The following NCALD variants were observed in gnomAD, a reference collection of about 807,000 sequenced individuals.
The protein encoded by NCALD is neurocalcin delta, also known as neurocalcin-delta.
A neutral mutation model predicts 18.6 loss-of-function variants in NCALD; 10 were observed. The ratio of observed to expected loss-of-function variants is 0.54; its 90% CI spans 0.33 to 0.91. The LOEUF (loss-of-function observed/expected upper bound fraction) is 0.91. Among genes scored for constraint, NCALD ranks in the 40% least tolerant of loss-of-function variants. NCALD has a pLI of 0.03. For synonymous variants in NCALD, 88 were observed against 87.4 expected (o/e 1.01, Z -0.04); for missense variants, 184 against 247.6 (o/e 0.74, Z 1.72).
chr8:101,882,561 G>T (rs1404205795), intron 4 of NCALD, among the ~76,000 whole-genome samples: 1 of 152,150 alleles, frequency 6.6e-6, no homozygotes, highest in Non-Finnish European at 1.5e-5. Context: ...TTTTGTTATA[G>T]CAGCCGAAGC....
At chr8:102,080,033 A>ACT (rs1824474941) in intron 1 of NCALD, among the ~76,000 whole-genome samples, 1 of 152,224 alleles carries the variant, frequency 6.6e-6, no homozygotes, top group African/African-American at 2.4e-5. Context: ...GATTGCAAAC[A>ACT]CACAGCCATT....
intron 1 of NCALD, among the ~76,000 whole-genome samples, chr8:101,788,049 G>A (rs958467904): frequency 1.3e-5 from 2 of 152,154 alleles, no homozygotes; most frequent in African/African-American, 4.8e-5. Flanking sequence ...GGATCTCAAG[G>A]AGGAAAATAA....
At chr8:101,941,387 G>A (rs531528902) in intron 2 of NCALD, among the ~76,000 whole-genome samples, 4 of 152,228 alleles carry the variant, frequency 2.6e-5, no homozygotes, top group Non-Finnish European at 5.9e-5. Context: ...ACAGGAGGCA[G>A]AGCTCAGGTG....
intron 1 of NCALD, among the ~76,000 whole-genome samples, chr8:102,106,230 T>C (rs114079671): frequency 0.017 from 2,616 of 151,578 alleles, 99 homozygotes; most frequent in African/African-American, 0.06. Context: ...CCAGCATGCC[T>C]GGCTAATTTT....
Position 102,021,743 on chromosome 8 carries a change from A to G in NCALD, c.-209-1454T>C, listed in dbSNP as rs545919054. Among the ~76,000 whole-genome samples, 13 of 152,310 alleles carry G rather than the reference A, an allele frequency of 8.5e-5. No individual in the cohort carries two copies. The East Asian group carries it at 2.1e-3, about 25-fold the overall frequency. On this transcript the variant is annotated intron_variant, in intron 1 of 6. Transcript: ENST00000311028. ...CTAACTACTTTTTTGTCCTATTAAA[A>G]TACCATTTTTAAGGACACAGTTTTT...
In NCALD at chr8:101,781,041, T is replaced by C. The variant is rs903933373; in HGVS notation, c.-20+9821A>G. Among the ~76,000 whole-genome samples, 9 of 152,204 alleles carry C rather than the reference T, an allele frequency of 5.9e-5. No individual in the cohort carries two copies. In the East Asian group the frequency reaches 1.5e-3, roughly 26 times the overall value. The stretch of plus-strand genomic sequence containing the variant: ...ATAGTAACAGATCGACCTTTAAAAA[T>C]TGGAAGTTGATCAACATTTTTCAAG... On this transcript the variant is annotated intron_variant, in intron 1 of 3. Transcript: ENST00000220931.
Position 101,949,947 on chromosome 8 carries a change from C to A in NCALD, c.-156-34089G>T, listed in dbSNP as rs78343626. 3.9e-3 allele frequency among the ~76,000 whole-genome samples: 600 copies of A among 152,316 alleles called. 1 individual carries two copies. Among genetic ancestry groups the A allele is most frequent in the Non-Finnish European group, 6.6e-3 (451 of 68,034 alleles). ...GTGAGTCACCATCCATCAGGCACTT[C>A]ATCAAAGTTCTTCCACTTGGTTGTC... On this transcript the variant is annotated intron_variant, in intron 2 of 6. Coordinates refer to the NCALD transcript ENST00000311028.
intron 2 of NCALD, among the ~76,000 whole-genome samples, chr8:101,925,303 T>G (rs950037554): frequency 1.3e-5 from 2 of 152,020 alleles, no homozygotes; most frequent in African/African-American, 4.8e-5. Context: ...TATTTATCCA[T>G]TCATTGAACA....
chr8:102,085,677 G>C (rs750877854), intron 1 of NCALD, among the ~76,000 whole-genome samples: 17 of 151,698 alleles, frequency 1.1e-4, no homozygotes, highest in Non-Finnish European at 2.4e-4. Context: ...AGAATTGCTT[G>C]AACCCAGGAG....
intron 2 of NCALD, among the ~76,000 whole-genome samples, chr8:101,943,579 G>A (rs781485423): frequency 1.2e-4 from 18 of 152,192 alleles, no homozygotes; most frequent in African/African-American, 4.1e-4. Flanking sequence ...GCAGGGGAGA[G>A]AGCTGAAGAG....
chr8:101,859,615 A>T (rs2131362681), intron 4 of NCALD, among the ~76,000 whole-genome samples: 1 of 152,326 alleles, frequency 6.6e-6, no homozygotes, highest in South Asian at 2.1e-4. Flanking sequence ...GTATGATAGC[A>T]GAGATTTTTT....
chr8:102,116,700 G>A (rs929747549), intron 1 of NCALD, among the ~76,000 whole-genome samples: 1 of 151,912 alleles, frequency 6.6e-6, no homozygotes, highest in Non-Finnish European at 1.5e-5. Flanking sequence ...TAGAGATGGG[G>A]TCTCACCTTG....
intron 3 of NCALD, among the ~76,000 whole-genome samples, chr8:101,911,097 GCTC>G (rs1817778113): frequency 6.6e-6 from 1 of 152,150 alleles, no homozygotes; most frequent in Non-Finnish European, 1.5e-5. Context: ...AAGCAGGTAA[GCTC>G]TGACCTTTAT....
intron 1 of NCALD, among the ~76,000 whole-genome samples, chr8:101,769,046 GA>G (rs1384503443): frequency 6.6e-6 from 1 of 152,182 alleles, no homozygotes; most frequent in East Asian, 1.9e-4. Context: ...AGCAAGGTCT[GA>G]GTGCTGTGGG....
intron 2 of NCALD, among the ~76,000 whole-genome samples, chr8:102,001,131 A>C (rs962264699): frequency 6.6e-6 from 1 of 152,210 alleles, no homozygotes; most frequent in Non-Finnish European, 1.5e-5. Context: ...ACCTTGAAAA[A>C]AGATTAGATG....
chr8:101,757,802 C>T (rs1435037640), intron 1 of NCALD, among the ~76,000 whole-genome samples: 1 of 152,126 alleles, frequency 6.6e-6, no homozygotes, highest in African/African-American at 2.4e-5. Flanking sequence ...AGGCCTTCAA[C>T]AAATATAGTG....
At chr8:101,854,261 C>A (rs1236242664) in intron 4 of NCALD, among the ~76,000 whole-genome samples, 1 of 152,152 alleles carries the variant, frequency 6.6e-6, no homozygotes, top group Non-Finnish European at 1.5e-5. Context: ...CTGCCCTGGA[C>A]ATGACTGTTG....
chr8:101,946,563 A>C (rs1819181517), intron 2 of NCALD, among the ~76,000 whole-genome samples: 1 of 152,188 alleles, frequency 6.6e-6, no homozygotes, highest in African/African-American at 2.4e-5. Context: ...AAAAAGGATA[A>C]GACATCATTT....
At chr8:101,769,224 T>C (rs903346623) in intron 1 of NCALD, among the ~76,000 whole-genome samples, 2 of 152,226 alleles carry the variant, frequency 1.3e-5, no homozygotes, top group African/African-American at 4.8e-5. Context: ...AAATTTGGGA[T>C]GATTTGTTAT....
Sources: allele counts gnomAD v4.1 joint callset (sites outside exome capture counted in the v4.1 genomes callset), GRCh38; gene constraint gnomAD v4.1.1; transcripts MANE v1.5; gene names NCBI Gene and HGNC (gene_info 2026-07-23, HGNC 2026-07-21).